The following ACSBG2 variants were observed in gnomAD, a reference collection of about 807,000 sequenced individuals.
ACSBG2 encodes acyl-CoA synthetase bubblegum family member 2, also known as long-chain-fatty-acid--CoA ligase ACSBG2.
In ACSBG2, 62 loss-of-function variants were observed where a neutral mutation model predicts 74.7. That is an observed-to-expected ratio of 0.83 (90% confidence interval 0.68 to 1.03). The LOEUF is 1.03. Among genes scored for constraint, ACSBG2 ranks in the 50% least tolerant of loss-of-function variants. The pLI, the probability that ACSBG2 is intolerant of heterozygous loss-of-function variation, is 0.00. For synonymous variants in ACSBG2, 309 were observed against 294.1 expected, an observed-to-expected ratio of 1.05 and a Z score of -0.52; for missense variants, 730 against 817.6, an observed-to-expected ratio of 0.89 and a Z score of 1.31.
intron 2 of ACSBG2, among the ~76,000 whole-genome samples, chr19:6,145,642 A>G (rs2089004252): frequency 6.6e-6 from 1 of 151,756 alleles, no homozygotes; most frequent in African/African-American, 2.4e-5. Context: ...CACACAACAA[A>G]CCAACAACTG....
chr19:6,163,382 G>A lies in ACSBG2; in HGVS notation c.588+2087G>A, dbSNP rs1209291666. Among the ~76,000 whole-genome samples, 12 of 83,906 alleles carry A rather than the reference G, an allele frequency of 1.4e-4. 5 individuals are homozygous for A. The highest frequency in any genetic ancestry group is 2.6e-4 in the African/African-American group (8 of 30,348). The allele number at this position is 83,906 out of a possible 152,430, so 55.0% of individuals were successfully genotyped here. ...GGGGAATCACTTGAACCCGGGAAGC[G>A]GAGGTTGCAGTGAGCCGAGATAGTG... On this transcript the variant is annotated intron_variant, in intron 6 of 14. Coordinates refer to ENST00000588485, the MANE Select transcript of ACSBG2 (RefSeq NM_030924.5).
chr19:6,171,167 A>T (rs2089953517), intron 7 of ACSBG2, among the ~76,000 whole-genome samples: 1 of 151,766 alleles, frequency 6.6e-6, no homozygotes, highest in South Asian at 2.1e-4. Flanking sequence ...ATTTATTATT[A>T]TTTTTTATCA....
intron 11 of ACSBG2, 22 bp downstream of exon 11, chr19:6,185,675 G>T: frequency 6.2e-7 from 1 of 1,612,974 alleles, no homozygotes; most frequent in South Asian, 1.1e-5. Context: ...TGAGCTCTTT[G>T]GGAATCTCCT....
intron 7 of ACSBG2, chr19:6,175,975 GTCAGGGTTTGACTC>G (rs2090078080): frequency 5.5e-6 from 1 of 182,472 alleles, no homozygotes; most frequent in Non-Finnish European, 1.1e-5. Context: ...AAACAGTGGA[GTCAGGGTTTGACTC>G]TGGGACACTT....
At chr19:6,156,344 C>A in intron 4 of ACSBG2, 87 bp from the exon 5 acceptor site, 2 of 1,440,566 alleles carry the variant, frequency 1.4e-6, no homozygotes, top group East Asian at 2.7e-5. Context: ...AACTTGCCTG[C>A]AAACCTTTCC....
chr19:6,141,377 C>T (rs1242907980), intron 1 of ACSBG2, 136 bp from the exon 2 acceptor site: 13 of 585,502 alleles, frequency 2.2e-5, no homozygotes, highest in Non-Finnish European at 3.4e-5. Flanking sequence ...ACTCTCCTCT[C>T]CTCCCAGGCC....
At chr19:6,156,602 G>C in intron 5 of ACSBG2, 51 bp downstream of exon 5, 11 of 1,467,968 alleles carry the variant, frequency 7.5e-6, no homozygotes, top group Non-Finnish European at 9.9e-6. Flanking sequence ...GGTACCTCAG[G>C]GCTCTGGGCA....
chr19:6,151,727 C>T lies in ACSBG2; in HGVS notation c.318C>T (p.His106=), dbSNP rs763710222. ...CCCAGCTGGGTTTGGAGCGTTTCCACGGAGTTGGTATCCTGGGGTTTAACT... is the reference window on the plus strand; with the variant it reads ...CCCAGCTGGGTTTGGAGCGTTTCCATGGAGTTGGTATCCTGGGGTTTAACT... ...SLIKLGLERF[H]GVGILGFNSA... The change falls in exon 4 of 15, where the codon CAC becomes CAT. Residue 106 remains histidine (H), a synonymous_variant. Transcript: ENST00000588485. The T allele has an allele frequency of 1.1e-5, 18 of 1,601,420 alleles. No individual in the cohort carries two copies. The highest frequency in any genetic ancestry group is 2.7e-5 in the African/African-American group (2 of 74,820).
intron 1 of ACSBG2, among the ~76,000 whole-genome samples, chr19:6,140,474 G>A (rs2144990009): frequency 6.6e-6 from 1 of 152,268 alleles, no homozygotes; most frequent in East Asian, 1.9e-4. Flanking sequence ...GAGCTTGGGA[G>A]TTCGAAACCA....
rs994280637 is a variant in ACSBG2 at position 6,138,479 on chromosome 19, A to G, written c.-32+2570A>G. ...GCTAGGAAGAGAGAGGGAGAGAGAG[A>G]GGGGAAGGGGGAAGGGGGAGGGAGG... is the stretch of plus-strand genomic sequence containing the variant. On this transcript the variant is annotated intron_variant, in intron 1 of 14. Coordinates refer to ENST00000588485, the MANE Select transcript of ACSBG2 (RefSeq NM_030924.5). Among the ~76,000 whole-genome samples, 7 of 99,614 alleles carry G rather than the reference A, an allele frequency of 7.0e-5. No individual in the cohort carries two copies. In the South Asian group the frequency reaches 1.9e-3, roughly 27 times the overall value. 65.4% of individuals were successfully genotyped at this position (99,614 alleles called of 152,430 possible).
intron 7 of ACSBG2, 59 bp from the exon 8 acceptor site, chr19:6,177,170 A>T (rs2090109748): frequency 1.3e-6 from 2 of 1,569,746 alleles, no homozygotes; most frequent in South Asian, 1.2e-5. Flanking sequence ...ATAAAAATTT[A>T]AAAATAAAAT....
At chr19:6,145,141 G>A (rs2088981976) in intron 2 of ACSBG2, among the ~76,000 whole-genome samples, 1 of 152,074 alleles carries the variant, frequency 6.6e-6, no homozygotes, top group Non-Finnish European at 1.5e-5. Flanking sequence ...GCTCATGCCT[G>A]TAATCCCAGC....
intron 8 of ACSBG2, among the ~76,000 whole-genome samples, chr19:6,182,263 G>T (rs192101293): frequency 1.3e-5 from 2 of 151,212 alleles, no homozygotes; most frequent in Admixed American, 6.6e-5. Flanking sequence ...GAACCTATAG[G>T]TCTCTTTGGG....
intron 6 of ACSBG2, among the ~76,000 whole-genome samples, chr19:6,163,851 G>A (rs2089713188): frequency 6.7e-6 from 1 of 149,392 alleles, no homozygotes; most frequent in Non-Finnish European, 1.5e-5. Flanking sequence ...GGAGGCTAAA[G>A]AGGATCACTT....
Position 6,177,431 on chromosome 19 carries a change from A to G in ACSBG2, c.906+35A>G, listed in dbSNP as rs753781775. On this transcript the variant is annotated intron_variant, in intron 8 of 14. Transcript: ENST00000588485. ...AGTAAGGACCTGGGGCTCCGACTTC[A>G]TCCTCTTGGGCAGCCCAGGTGAGTA... 1.4e-5 allele frequency: 22 copies of G among 1,542,706 alleles called. No individual in the cohort carries two copies. In the South Asian group the frequency reaches 2.8e-4, roughly 20 times the overall value.
Position 6,166,108 on chromosome 19 carries a change from C to G in ACSBG2, c.738+93C>G, listed in dbSNP as rs543508841. On this transcript the variant is annotated intron_variant, in intron 7 of 14. Transcript: ENST00000588485. The stretch of plus-strand genomic sequence containing the variant: ...CAGGGTGGCATTCCAGGGTCTAGTA[C>G]GCAGTGTGGCTCCTTCACCATTGGG... The G allele has an allele frequency of 1.5e-5, 22 of 1,492,754 alleles. No individual in the cohort carries two copies. The Admixed American group carries it at 3.8e-4, about 26-fold the overall frequency. The allele number at this position is 1,492,754 out of a possible 1,614,324, so 92.5% of individuals were successfully genotyped here.
In ACSBG2 at chr19:6,185,481, G is replaced by A; in HGVS notation, c.1368G>A (p.Gln456=). Residue 456 remains glutamine, a synonymous_variant, in exon 11 of 15, where the codon CAG becomes CAA. Transcript: ENST00000588485. ...GGTGTAAGAATATGCTGTTCCAGCA[G>A]AACAAGGATGGCATTGGGGAGATCT... ...LTGCKNMLFQ[Q]NKDGIGEICL... is the part of the protein sequence containing the mutation. The A allele has an allele frequency of 6.2e-7, 1 of 1,614,222 alleles. No individual in the cohort carries two copies. The highest frequency in any genetic ancestry group is 8.5e-7 in the Non-Finnish European group (1 of 1,180,042).
chr19:6,177,475 G>C, intron 8 of ACSBG2, 79 bp downstream of exon 8: 1 of 1,458,914 alleles, frequency 6.9e-7, no homozygotes, highest in East Asian at 2.4e-5. Flanking sequence ...TTAATCATTC[G>C]ACAGATTTTT....
chr19:6,159,300 T>C (rs1345531338), intron 5 of ACSBG2, among the ~76,000 whole-genome samples: 1 of 151,992 alleles, frequency 6.6e-6, no homozygotes, highest in African/African-American at 2.4e-5. Context: ...AAAACTCATG[T>C]CATACCTGTT....
Sources: gnomAD v4.1 joint callset for allele counts (sites outside exome capture counted in the v4.1 genomes callset) on GRCh38, gnomAD v4.1.1 for gene constraint, MANE v1.5 for transcripts, NCBI Gene and HGNC (gene_info 2026-07-23, HGNC 2026-07-21) for gene names.